The following LOC400499 variants were observed in gnomAD, a reference collection of about 807,000 sequenced individuals.
chr16:11,451,374 G>GT, the LOC400499 span, among the ~76,000 whole-genome samples: 1 of 152,182 alleles, frequency 6.6e-6, no homozygotes, highest in Admixed American at 6.5e-5. Context: ...GAGTCTAGGA[G>GT]TTTGAGTCTA....
the LOC400499 span, among the ~76,000 whole-genome samples, chr16:11,511,058 G>A: frequency 6.6e-6 from 1 of 150,556 alleles, no homozygotes; most frequent in African/African-American, 2.5e-5. Context: ...GTGCAGTGAC[G>A]CGATCACAGC....
chr16:11,390,632 T>G, the LOC400499 span, among the ~76,000 whole-genome samples: 1 of 152,156 alleles, frequency 6.6e-6, no homozygotes, highest in African/African-American at 2.4e-5. Flanking sequence ...AGGGGAGTTG[T>G]CACAGCAGGC....
chr16:11,381,646 T>TA, the LOC400499 span, among the ~76,000 whole-genome samples: 1 of 152,224 alleles, frequency 6.6e-6, no homozygotes. Context: ...TCATTCATGG[T>TA]AAAGATATCT....
the LOC400499 span, among the ~76,000 whole-genome samples, chr16:11,382,119 TAG>T: frequency 6.6e-6 from 1 of 151,756 alleles, no homozygotes; most frequent in Admixed American, 6.6e-5. Context: ...GTATTTGTGG[TAG>T]AGACAGGGGT....
chr16:11,450,909 G>T, the LOC400499 span: 1 of 1,173,812 alleles, frequency 8.5e-7, no homozygotes, highest in Non-Finnish European at 1.2e-6. Context: ...TCTCATCACA[G>T]CCGCAATGGA....
chr16:11,447,076 A>G, the LOC400499 span, among the ~76,000 whole-genome samples: 42 of 152,312 alleles, frequency 2.8e-4, no homozygotes, highest in African/African-American at 9.6e-4. Flanking sequence ...ATGCTTTACA[A>G]TGTGGCATCC....
the LOC400499 span, among the ~76,000 whole-genome samples, chr16:11,489,685 TGTGGAGGCTGA>T: frequency 6.6e-6 from 1 of 152,210 alleles, no homozygotes; most frequent in Non-Finnish European, 1.5e-5. Flanking sequence ...CCAGGGCCAC[TGTGGAGGCTGA>T]GCCCCTCAGC....
At chr16:11,407,770 C>T in the LOC400499 span, among the ~76,000 whole-genome samples, 1 of 152,112 alleles carries the variant, frequency 6.6e-6, no homozygotes, top group Non-Finnish European at 1.5e-5. Context: ...TCCTTAACCA[C>T]CCAAGCCTTC....
the LOC400499 span, among the ~76,000 whole-genome samples, chr16:11,383,308 G>C: frequency 2.6e-5 from 4 of 152,082 alleles, no homozygotes; most frequent in South Asian, 2.1e-4. Flanking sequence ...ACCTCGTGAT[G>C]CACCCACCTC....
At chr16:11,385,059 T>C in the LOC400499 span, 15 of 1,232,012 alleles carry the variant, frequency 1.2e-5, no homozygotes, top group Non-Finnish European at 1.5e-5. Flanking sequence ...TTGTACAGCC[T>C]GTAGGCCTGT....
At chr16:11,458,019 T>A in the LOC400499 span, among the ~76,000 whole-genome samples, 1 of 152,000 alleles carries the variant, frequency 6.6e-6, no homozygotes, top group African/African-American at 2.4e-5. Flanking sequence ...CTGGCCAACA[T>A]GGTAAAACCC....
the LOC400499 span, among the ~76,000 whole-genome samples, chr16:11,444,084 A>C: frequency 1.3e-5 from 2 of 151,612 alleles, no homozygotes; most frequent in Non-Finnish European, 1.5e-5. Flanking sequence ...CAAGTGATCC[A>C]CCCACCCTGG....
At chr16:11,515,868 CCAG>C in the LOC400499 span, 2 of 34,464 alleles carry the variant, frequency 5.8e-5, no homozygotes, top group Non-Finnish European at 1.6e-4. Flanking sequence ...CCAGCCCAGC[CCAG>C]CCCAGCCCAG....
the LOC400499 span, among the ~76,000 whole-genome samples, chr16:11,428,393 C>T: frequency 6.6e-5 from 10 of 152,210 alleles, no homozygotes; most frequent in African/African-American, 2.2e-4. Flanking sequence ...AGGCTAGTCT[C>T]GAACTCCTGA....
At chr16:11,483,830 A>G in the LOC400499 span, among the ~76,000 whole-genome samples, 404 of 151,984 alleles carry the variant, frequency 2.7e-3, 8 homozygotes, top group South Asian at 0.058. Context: ...AGCCAAGATC[A>G]TGCCACTGCA....
chr16:11,525,266 T>C, the LOC400499 span, among the ~76,000 whole-genome samples: 2 of 140,600 alleles, frequency 1.4e-5, no homozygotes, highest in African/African-American at 5.4e-5. Flanking sequence ...TATTCCAGCC[T>C]GGGTAGCAGA....
chr16:11,393,538 G>A, the LOC400499 span: 6 of 1,232,424 alleles, frequency 4.9e-6, no homozygotes, highest in Non-Finnish European at 5.1e-6. Flanking sequence ...AGGCCAACCC[G>A]CTGAGCCTTG....
chr16:11,499,912 G>C, the LOC400499 span, among the ~76,000 whole-genome samples: 6 of 152,182 alleles, frequency 3.9e-5, no homozygotes, highest in African/African-American at 1.4e-4. Context: ...CCTTGGGCAA[G>C]CTGCCCTACC....
At chr16:11,374,494 C>G in the LOC400499 span, among the ~76,000 whole-genome samples, 1 of 152,228 alleles carries the variant, frequency 6.6e-6, no homozygotes, top group Non-Finnish European at 1.5e-5. Context: ...TTACTGCTCT[C>G]TCCCAGCTCC....
Sources: gnomAD v4.1 joint callset for allele counts (sites outside exome capture counted in the v4.1 genomes callset) on GRCh38, gnomAD v4.1.1 for gene constraint, MANE v1.5 for transcripts.